MYOM2: variants seen among roughly 807,000 people sequenced by gnomAD.
The protein encoded by MYOM2 is myomesin-2.
In MYOM2, 254 loss-of-function variants were observed where a neutral mutation model predicts 187.6. The observed-to-expected ratio is 1.35, with a 90% CI of 1.22 to 1.50. MYOM2 has a LOEUF of 1.50. Among genes scored for constraint, MYOM2 ranks in the 40% most tolerant of loss-of-function variants. MYOM2 has a pLI of 0.00. For synonymous variants in MYOM2, 981 were observed against 753.8 expected, an observed-to-expected ratio of 1.30 and a Z score of -4.94; for missense variants, 2,796 against 1,924.0, an observed-to-expected ratio of 1.45 and a Z score of -8.48.
chr8:2,069,429 C>G lies in MYOM2; in HGVS notation c.743-18C>G, dbSNP rs1291008732. On this transcript the variant is annotated intron_variant, in intron 7 of 36. Transcript: ENST00000262113. ...CTCCTTTTCTCTTTTCTGCTGCACT[C>G]ACTTTGCTGTCTTGCAGGGTTCCGG... 6.2e-7 allele frequency: 1 copy of G among 1,614,080 alleles called. No individual in the cohort carries two copies. The highest frequency in any genetic ancestry group is 8.5e-7 in the Non-Finnish European group (1 of 1,180,018).
Position 2,073,458 on chromosome 8 carries a change from C to T in MYOM2, c.1078C>T (p.Arg360Trp), listed in dbSNP as rs371691940. The T allele has an allele frequency of 8.8e-5, 141 of 1,610,340 alleles. 3 individuals are homozygous for T. The South Asian group carries it at 1.0e-3, about 12-fold the overall frequency. Residue 360 changes from arginine to tryptophan, a missense_variant, in exon 10 of 37, where the codon CGG becomes TGG. Arg to Trp is a moderately radical substitution (Grantham distance 101, BLOSUM62 -3). Coordinates refer to ENST00000262113, the MANE Select transcript of MYOM2 (RefSeq NM_003970.4). ...CCTGTACACCCTGCGCATCGTGTCT[C>T]GGGGCGGCGTCAGCGACCACAGCGC... ...EGLYTLRIVSRGGVSDHSAFL... is the reference protein window; with the variant it reads ...EGLYTLRIVSWGGVSDHSAFL...
intron 36 of MYOM2, 110 bp from the exon 37 acceptor site, chr8:2,144,553 TG>T (rs1798388452): frequency 9.0e-7 from 1 of 1,115,622 alleles, no homozygotes; most frequent in South Asian, 1.3e-5. Context: ...AACAAACGAT[TG>T]AAGGACCAAT....
intron 1 of MYOM2, among the ~76,000 whole-genome samples, chr8:2,046,153 A>G (rs1405871081): frequency 6.6e-6 from 1 of 152,232 alleles, no homozygotes; most frequent in Non-Finnish European, 1.5e-5. Flanking sequence ...TGACTTTGAC[A>G]TTTTTAACTG....
chr8:2,145,023 G>C lies in MYOM2; in HGVS notation c.*42G>C, dbSNP rs746290069. Reference sequence around the variant, plus strand: ...TGGAGATGGGAAAATATGCTTGGCAGAGACAGGAATGCTGTGTGCTTGTTC... The same window carrying C: ...TGGAGATGGGAAAATATGCTTGGCACAGACAGGAATGCTGTGTGCTTGTTC... On this transcript the variant is annotated 3_prime_UTR_variant, in exon 37 of 37. Coordinates refer to ENST00000262113, the MANE Select transcript of MYOM2 (RefSeq NM_003970.4). 2 of 1,604,568 alleles carry C rather than the reference G, an allele frequency of 1.2e-6. No individual in the cohort carries two copies. Among genetic ancestry groups the C allele is most frequent in the African/African-American group, 2.7e-5 (2 of 74,420 alleles).
At chr8:2,058,487 G>A (rs1210273441) in intron 5 of MYOM2, among the ~76,000 whole-genome samples, 1 of 152,190 alleles carries the variant, frequency 6.6e-6, no homozygotes, top group Non-Finnish European at 1.5e-5. Context: ...CTGCAGATCT[G>A]CAGTTAATGA....
At chr8:2,107,734 C>T (rs554337513) in intron 23 of MYOM2, among the ~76,000 whole-genome samples, 8 of 152,182 alleles carry the variant, frequency 5.3e-5, no homozygotes, top group Admixed American at 3.3e-4. Flanking sequence ...ACCCAAAATC[C>T]ATTTGCATGC....
At position 2,108,708 on chromosome 8, in the gene MYOM2, G is replaced by A. The variant is rs906438563; in HGVS notation, c.2999-78G>A. 32 of 1,379,676 alleles carry A rather than the reference G, an allele frequency of 2.3e-5. 1 individual carries two copies. The highest frequency in any genetic ancestry group is 5.3e-5 in the Admixed American group (3 of 56,690). The allele number at this position is 1,379,676 out of a possible 1,614,324, so 85.5% of individuals were successfully genotyped here. A position where few individuals can be genotyped will look rare whatever the true frequency, so the allele number is the denominator to read the frequency against. On this transcript the variant is annotated intron_variant, in intron 23 of 36. Coordinates refer to ENST00000262113, the MANE Select transcript of MYOM2 (RefSeq NM_003970.4). ...ATCCTGGGGGTTTCCAATCTTGCTC[G>A]TGTGTCGCCTTGCTGTTGTCTACAA...
intron 1 of MYOM2, among the ~76,000 whole-genome samples, chr8:2,046,710 G>T (rs1818321439): frequency 6.6e-6 from 1 of 151,500 alleles, no homozygotes; most frequent in African/African-American, 2.4e-5. Context: ...AAACTACCCT[G>T]CGAGGAAAAG....
intron 3 of MYOM2, among the ~76,000 whole-genome samples, chr8:2,054,902 T>A (rs1214920996): frequency 7.9e-6 from 1 of 126,596 alleles, no homozygotes; most frequent in African/African-American, 2.6e-5. Flanking sequence ...GGGAACCAAG[T>A]ACCTGGATAC....
chr8:2,087,166 C>T (rs1412030211), intron 14 of MYOM2, among the ~76,000 whole-genome samples: 1 of 152,122 alleles, frequency 6.6e-6, no homozygotes, highest in East Asian at 1.9e-4. Context: ...GATAAGACTC[C>T]AATGTCCTAC....
chr8:2,066,167 T>G (rs777618485), intron 6 of MYOM2, among the ~76,000 whole-genome samples: 9 of 152,168 alleles, frequency 5.9e-5, no homozygotes, highest in Admixed American at 4.6e-4. Flanking sequence ...TCACATCCCG[T>G]GAGTCCTGCC....
At chr8:2,115,194 A>C (rs1237044083) in intron 25 of MYOM2, among the ~76,000 whole-genome samples, 1 of 151,960 alleles carries the variant, frequency 6.6e-6, no homozygotes, top group Non-Finnish European at 1.5e-5. Context: ...AACAAACAAA[A>C]CATAAAAAAG....
Position 2,057,472 on chromosome 8 carries a change from G to T in MYOM2, c.388G>T (p.Ala130Ser), listed in dbSNP as rs760392633. 6.2e-7 allele frequency: 1 copy of T among 1,614,032 alleles called. No individual in the cohort carries two copies. Among genetic ancestry groups the T allele is most frequent in the Non-Finnish European group, 8.5e-7 (1 of 1,179,958 alleles). The change falls in exon 4 of 37, where the codon GCC (alanine) becomes TCC (serine). Residue 130 changes from alanine (A) to serine (S), a missense_variant. Transcript: ENST00000262113. ...GGCCCGCGACAAGCTGGACAAATAC[G>T]CCATTCAGCAGATGGTAGGAGGGTC... is the stretch of plus-strand genomic sequence containing the variant. ...SQARDKLDKY[A>S]IQQMMEDKLA...
intron 31 of MYOM2, among the ~76,000 whole-genome samples, chr8:2,128,537 C>A (rs1356170862): frequency 6.6e-6 from 1 of 152,224 alleles, no homozygotes; most frequent in Admixed American, 6.5e-5. Context: ...TTTCTGACCT[C>A]TGACCCATAG....
chr8:2,122,887 C>T (rs1797504546), intron 28 of MYOM2, among the ~76,000 whole-genome samples: 1 of 152,178 alleles, frequency 6.6e-6, no homozygotes, highest in Non-Finnish European at 1.5e-5. Context: ...ACAGACCCCT[C>T]AGAATATTCT....
intron 28 of MYOM2, among the ~76,000 whole-genome samples, chr8:2,120,237 T>C (rs1307055505): frequency 6.6e-6 from 1 of 151,996 alleles, no homozygotes; most frequent in East Asian, 1.9e-4. Flanking sequence ...GAAGATGGAA[T>C]AGGAACTTTG....
chr8:2,071,004 G>A (rs11786593), intron 8 of MYOM2, among the ~76,000 whole-genome samples: 4,211 of 152,030 alleles, frequency 0.028, 75 homozygotes, highest in Non-Finnish European at 0.043. Context: ...GTCTCACTCG[G>A]TCGCCCAGGC....
At chr8:2,141,581 A>G (rs1798275073) in intron 34 of MYOM2, among the ~76,000 whole-genome samples, 1 of 152,210 alleles carries the variant, frequency 6.6e-6, no homozygotes, top group Admixed American at 6.5e-5. Context: ...GGCTCAGGCT[A>G]GGAAGGTTTC....
intron 25 of MYOM2, among the ~76,000 whole-genome samples, chr8:2,112,954 GT>G (rs1563064157): frequency 6.6e-6 from 1 of 152,192 alleles, no homozygotes; most frequent in African/African-American, 2.4e-5. Context: ...CAGGTTATTA[GT>G]TTTTTGTTTT....
Sources: gnomAD v4.1 joint callset for allele counts (sites outside exome capture counted in the v4.1 genomes callset) on GRCh38, gnomAD v4.1.1 for gene constraint, MANE v1.5 for transcripts, NCBI Gene and HGNC (gene_info 2026-07-23, HGNC 2026-07-21) for gene names.